The following VPS13B variants were observed in gnomAD, a reference collection of about 807,000 sequenced individuals.
VPS13B encodes the protein intermembrane lipid transfer protein VPS13B.
Under a neutral mutation model 426.4 loss-of-function variants are expected in VPS13B, and 285 were observed. The ratio of observed to expected loss-of-function variants is 0.67; its 90% CI spans 0.61 to 0.74. The LOEUF is 0.74. VPS13B is among the 30% of genes least tolerant of loss of function. The pLI is 0.00. For synonymous variants in VPS13B, 1,676 were observed against 1,676.4 expected (o/e 1.00, Z 0.01); for missense variants, 4,537 against 4,782.6 (o/e 0.95, Z 1.51).
intron 3 of VPS13B, among the ~76,000 whole-genome samples, chr8:99,046,838 CGT>C (rs1410013117): frequency 2.0e-5 from 3 of 152,034 alleles, no homozygotes; most frequent in Non-Finnish European, 4.4e-5. Context: ...TTTATTGACT[CGT>C]GTGTGTTAAA....
chr8:99,164,745 T>C (rs1811894623), intron 15 of VPS13B, among the ~76,000 whole-genome samples: 1 of 152,184 alleles, frequency 6.6e-6, no homozygotes, highest in Non-Finnish European at 1.5e-5. Flanking sequence ...TAACTCTCTC[T>C]TTAACTTTCT....
chr8:99,321,494 C>T (rs1405656952), intron 19 of VPS13B, among the ~76,000 whole-genome samples: 2 of 151,976 alleles, frequency 1.3e-5, no homozygotes, highest in Non-Finnish European at 2.9e-5. Context: ...AGGCATGAGC[C>T]GTCGTGCCTG....
intron 21 of VPS13B, among the ~76,000 whole-genome samples, chr8:99,415,629 A>G (rs941653011): frequency 6.6e-6 from 1 of 152,172 alleles, no homozygotes; most frequent in African/African-American, 2.4e-5. Flanking sequence ...TGTTCATGCT[A>G]TTCCTTTCTG....
intron 12 of VPS13B, among the ~76,000 whole-genome samples, chr8:99,142,185 T>C (rs1007973273): frequency 1.3e-5 from 2 of 152,228 alleles, no homozygotes; most frequent in African/African-American, 4.8e-5. Flanking sequence ...TTAGAAGGTA[T>C]AGATATAAAA....
At chr8:99,833,469 G>C (rs1028290763) in intron 52 of VPS13B, among the ~76,000 whole-genome samples, 1 of 152,072 alleles carries the variant, frequency 6.6e-6, no homozygotes, top group Non-Finnish European at 1.5e-5. Context: ...TAAAAGACAA[G>C]AGAGATTTTT....
chr8:99,744,444 A>G (rs1170825544), intron 39 of VPS13B, among the ~76,000 whole-genome samples: 2 of 152,212 alleles, frequency 1.3e-5, no homozygotes, highest in African/African-American at 4.8e-5. Flanking sequence ...TAGAAATACC[A>G]TTTGACCCAG....
intron 21 of VPS13B, among the ~76,000 whole-genome samples, chr8:99,407,051 A>G (rs1009686870): frequency 6.6e-6 from 1 of 152,182 alleles, no homozygotes. Context: ...TGAAAACCAT[A>G]TAGAGAACTT....
intron 33 of VPS13B, among the ~76,000 whole-genome samples, chr8:99,608,513 A>C (rs1356776023): frequency 2.0e-5 from 3 of 152,186 alleles, no homozygotes; most frequent in Non-Finnish European, 2.9e-5. Context: ...TACAATGTGC[A>C]CATTTAAAAT....
At chr8:99,818,339 C>T in intron 45 of VPS13B, 112 bp from the exon 46 acceptor site, 1 of 1,149,110 alleles carries the variant, frequency 8.7e-7, no homozygotes, top group Non-Finnish European at 1.3e-6. Context: ...ATGGCTTTTT[C>T]CCTAAACTTT....
intron 17 of VPS13B, among the ~76,000 whole-genome samples, chr8:99,272,390 C>T (rs1380613610): frequency 6.6e-6 from 1 of 152,064 alleles, no homozygotes; most frequent in East Asian, 1.9e-4. Flanking sequence ...CTATTGCATC[C>T]TCAATCTGTA....
chr8:99,609,738 G>C (rs891593342), intron 33 of VPS13B, among the ~76,000 whole-genome samples: 2 of 152,122 alleles, frequency 1.3e-5, no homozygotes, highest in African/African-American at 4.8e-5. Context: ...AATAATTTTT[G>C]CTGTTTCATT....
intron 33 of VPS13B, among the ~76,000 whole-genome samples, chr8:99,624,018 T>TA (rs58321616): frequency 2.9e-5 from 4 of 140,118 alleles, no homozygotes; most frequent in African/African-American, 1.0e-4. Context: ...TTTTTTTTTT[T>TA]TTTTTTTTTT....
At chr8:99,676,640 G>A (rs1228188999) in intron 35 of VPS13B, among the ~76,000 whole-genome samples, 1 of 151,544 alleles carries the variant, frequency 6.6e-6, no homozygotes, top group Non-Finnish European at 1.5e-5. Flanking sequence ...ATATTATTAT[G>A]ATATAACAAG....
intron 31 of VPS13B, 25 bp from the exon 32 acceptor site, chr8:99,575,633 A>T: frequency 6.2e-7 from 1 of 1,613,426 alleles, no homozygotes. Context: ...TGAAATGGCT[A>T]ATAATCTTTT....
At chr8:99,218,634 G>T (rs1236492186) in intron 17 of VPS13B, among the ~76,000 whole-genome samples, 1 of 152,224 alleles carries the variant, frequency 6.6e-6, no homozygotes, top group Non-Finnish European at 1.5e-5. Flanking sequence ...AAGTGCCATT[G>T]TCGTCTGGCA....
intron 40 of VPS13B, among the ~76,000 whole-genome samples, chr8:99,772,636 T>C (rs1391409827): frequency 6.6e-6 from 1 of 152,236 alleles, no homozygotes; most frequent in Admixed American, 6.5e-5. Context: ...TATAAGTTAA[T>C]ATATTATCAC....
At chr8:99,580,984 AACACACACACACACACAC>A (rs34074519) in intron 33 of VPS13B, among the ~76,000 whole-genome samples, 21 of 126,682 alleles carry the variant, frequency 1.7e-4, no homozygotes, top group Admixed American at 3.3e-4. Flanking sequence ...ATCTCTACAA[AACACACACACACACACAC>A]ACACACACAC....
intron 19 of VPS13B, among the ~76,000 whole-genome samples, chr8:99,300,880 G>GTTT (rs34461801): frequency 9.7e-5 from 12 of 123,732 alleles, no homozygotes; most frequent in Non-Finnish European, 1.7e-4. Flanking sequence ...ATTTAATATA[G>GTTT]TTTTTTTTTT....
intron 23 of VPS13B, among the ~76,000 whole-genome samples, chr8:99,460,271 G>C (rs1315794347): frequency 6.6e-6 from 1 of 151,750 alleles, no homozygotes; most frequent in Non-Finnish European, 1.5e-5. Context: ...TTCAATGGTG[G>C]CTCTCGGAGC....
Sources: allele counts gnomAD v4.1 joint callset (sites outside exome capture counted in the v4.1 genomes callset), GRCh38; gene constraint gnomAD v4.1.1; transcripts MANE v1.5; gene names NCBI Gene and HGNC (gene_info 2026-07-23, HGNC 2026-07-21).